The following MRPL36 variants were observed in gnomAD, a reference collection of about 807,000 sequenced individuals.
MRPL36 encodes large ribosomal subunit protein bL36m.
In MRPL36, 1 loss-of-function variant was observed where a neutral mutation model predicts 2.8. The observed-to-expected ratio is 0.36, with a 90% CI of 0.13 to 1.69. MRPL36 has a LOEUF of 1.69. Ranked by LOEUF, MRPL36 falls within the 40% of genes most tolerant of loss-of-function variation. The probability of loss-of-function intolerance (pLI) is 0.35; values close to 1 mark genes in which losing one functional copy is unlikely to be tolerated. For missense variants in MRPL36, 148 were observed against 132.7 expected, an observed-to-expected ratio of 1.12 and a Z score of -0.57; for synonymous variants, 68 against 54.8, an observed-to-expected ratio of 1.24 and a Z score of -1.06.
rs948040351 is a variant in MRPL36, at chr5:1,798,551, C to T, written c.*73G>A. On this transcript the variant is annotated 3_prime_UTR_variant, in exon 2 of 2. Coordinates refer to ENST00000505059, the MANE Select transcript of MRPL36 (RefSeq NM_032479.4). ...CCCCTGACTCCTTGATGTGATAATT[C>T]CTTCCATAAGATACAACCATTCTCC... 1 of 1,457,374 alleles carries T rather than the reference C, an allele frequency of 6.9e-7. No individual in the cohort carries two copies. The highest frequency in any genetic ancestry group is 2.0e-5 in the Admixed American group (1 of 50,392). The allele number at this position is 1,457,374 out of a possible 1,614,324, so 90.3% of individuals were successfully genotyped here. A position where few individuals can be genotyped will look rare whatever the true frequency, so the allele number is the denominator to read the frequency against.
chr5:1,801,003 C>T (rs1321661336), upstream of MRPL36, among the ~76,000 whole-genome samples: 5 of 152,208 alleles, frequency 3.3e-5, no homozygotes, highest in Non-Finnish European at 7.3e-5. Flanking sequence ...AATGTATTTT[C>T]AGTTTACATC....
At chr5:1,800,002 G>T (rs1733989108), upstream of MRPL36, 1 of 152,174 alleles carries the variant, frequency 6.6e-6, no homozygotes, top group African/African-American at 2.4e-5. Context: ...CACCGGGATC[G>T]TCGTGCTGTT....
chr5:1,800,947 G>T (rs1428270400), upstream of MRPL36, among the ~76,000 whole-genome samples: 2 of 152,150 alleles, frequency 1.3e-5, no homozygotes, highest in African/African-American at 4.8e-5. Context: ...CAATAATTTT[G>T]ATATTTAAAT....
At chr5:1,801,380 G>A (rs1026395341), upstream of MRPL36, 2 of 1,601,018 alleles carry the variant, frequency 1.2e-6, no homozygotes, top group African/African-American at 2.7e-5. Context: ...TTAGCGCTAA[G>A]CGGGACGTTG....
Position 1,798,723 on chromosome 5 carries a change from G to C in MRPL36, c.213C>G (p.Val71=). 6.2e-7 allele frequency: 1 copy of C among 1,613,954 alleles called. No homozygotes were observed. The highest frequency in any genetic ancestry group is 8.5e-7 in the Non-Finnish European group (1 of 1,179,892). ...LPALGFKNKT[V]LKKRCKDCYL... ...AACAGTCCTTGCAGCGCTTCTTAAG[G>C]ACAGTCTTGTTTTTGAACCCCAGCG... is the stretch of plus-strand genomic sequence containing the variant. Residue 71 remains valine (V), a synonymous_variant, in exon 2 of 2, where the codon GTC becomes GTG. Coordinates refer to ENST00000505059, the MANE Select transcript of MRPL36 (RefSeq NM_032479.4).
At chr5:1,800,959 T>G (rs1392209075), upstream of MRPL36, among the ~76,000 whole-genome samples, 1 of 152,200 alleles carries the variant, frequency 6.6e-6, no homozygotes, top group Non-Finnish European at 1.5e-5. Context: ...TATTTAAATG[T>G]CTCATGATTA....
upstream of MRPL36, chr5:1,800,014 G>A (rs916813799): frequency 6.6e-6 from 1 of 152,172 alleles, no homozygotes; most frequent in African/African-American, 2.4e-5. Flanking sequence ...CGTGCTGTTT[G>A]GAGCGCTCTC....
Position 1,798,830 on chromosome 5 carries a change from C to G in MRPL36, c.106G>C (p.Gly36Arg), listed in dbSNP as rs1277293046. 4 of 1,614,092 alleles carry G rather than the reference C, an allele frequency of 2.5e-6. No individual in the cohort carries two copies. Among genetic ancestry groups the G allele is most frequent in the Admixed American group, 1.7e-5 (1 of 60,024 alleles). ...GGTTCCACAGCCACGGGGGCTGCAC[C>G]TCGAATGGATCCAAATAGAAATGTG... ...LSTFLFGSIR[G>R]AAPVAVEPGA... is the part of the protein sequence containing the mutation. The change falls in exon 2 of 2, where the codon GGT becomes CGT. Residue 36 changes from glycine (G) to arginine (R), a missense_variant. Transcript: ENST00000505059.
At chr5:1,799,180 G>C (rs1265422608) in intron 1 of MRPL36, 2 of 464,976 alleles carry the variant, frequency 4.3e-6, no homozygotes, top group African/African-American at 3.9e-5. Flanking sequence ...CCCGCCTGCT[G>C]CAAGTGTAGG....
chr5:1,798,390 G>A lies in MRPL36; in HGVS notation c.*234C>T, dbSNP rs537521954. 55 of 441,522 alleles carry A rather than the reference G, an allele frequency of 1.2e-4. No individual in the cohort carries two copies. In the South Asian group the frequency reaches 1.5e-3, roughly 12 times the overall value. 27.4% of individuals were successfully genotyped at this position (441,522 alleles called of 1,614,324 possible). ...AGAGAATGAATGAACTAAGCTATTCGGAAGGTCTATTTTAATAGGAAAATG... is the reference window on the plus strand; with the variant it reads ...AGAGAATGAATGAACTAAGCTATTCAGAAGGTCTATTTTAATAGGAAAATG... On this transcript the variant is annotated 3_prime_UTR_variant, in exon 2 of 2. Coordinates refer to ENST00000505059, the MANE Select transcript of MRPL36 (RefSeq NM_032479.4).
upstream of MRPL36, among the ~76,000 whole-genome samples, chr5:1,800,145 G>A (rs925282087): frequency 6.6e-6 from 1 of 151,902 alleles, no homozygotes; most frequent in Non-Finnish European, 1.5e-5. Flanking sequence ...TGAGAAAGAG[G>A]ACATGTTTTT....
chr5:1,798,994 A>C lies in MRPL36; in HGVS notation c.-12-47T>G, dbSNP rs1038286855. ...GAGTTATAGCTTCTCCTGCACTTCC[A>C]CCTGCTCTTTAAGGCTTCCTTTTCT... On this transcript the variant is annotated intron_variant, in intron 1 of 1. Coordinates refer to ENST00000505059, the MANE Select transcript of MRPL36 (RefSeq NM_032479.4). 2.5e-5 allele frequency: 35 copies of C among 1,427,118 alleles called. 2 individuals are homozygous for C. In the Admixed American group the frequency reaches 7.5e-4, roughly 31 times the overall value. The allele number at this position is 1,427,118 out of a possible 1,614,324, so 88.4% of individuals were successfully genotyped here.
rs146493666 is a variant in MRPL36 at position 1,798,883 on chromosome 5, C to T, written c.53G>A (p.Arg18His). 3.8e-5 allele frequency: 61 copies of T among 1,611,874 alleles called. No homozygotes were observed. The Admixed American group carries it at 4.7e-4, about 12-fold the overall frequency. Reference sequence around the variant, plus strand: ...GAGGGCTCGAGGCTTCACCGTGTGACGACTGAGATAGAGCAGAGGGTTCAC... The same window carrying T: ...GAGGGCTCGAGGCTTCACCGTGTGATGACTGAGATAGAGCAGAGGGTTCAC... Reference protein sequence around the residue: ...KMVNPLLYLSRHTVKPRALST... With the variant: ...KMVNPLLYLSHHTVKPRALST... Residue 18 changes from arginine to histidine, a missense_variant, in exon 2 of 2, where the codon CGT (arginine) becomes CAT (histidine). Coordinates refer to ENST00000505059, the MANE Select transcript of MRPL36 (RefSeq NM_032479.4).
At position 1,798,802 on chromosome 5, in the gene MRPL36, C is replaced by A. The variant is rs1406001319; in HGVS notation, c.134G>T (p.Gly45Val). Reference protein sequence around the residue: ...RGAAPVAVEPGAAVRSLLSPG... With the variant: ...RGAAPVAVEPVAAVRSLLSPG... ...TGAGAGAAGTGAGCGCACTGCTGCC[C>A]CGGGTTCCACAGCCACGGGGGCTGC... The change falls in exon 2 of 2, where the codon GGG becomes GTG. Residue 45 changes from glycine to valine, a missense_variant. Gly to Val is a moderately radical substitution (Grantham distance 109, BLOSUM62 -3). Coordinates refer to ENST00000505059, the MANE Select transcript of MRPL36 (RefSeq NM_032479.4). The A allele has an allele frequency of 6.2e-7, 1 of 1,613,958 alleles. No individual in the cohort carries two copies. Among genetic ancestry groups the A allele is most frequent in the Non-Finnish European group, 8.5e-7 (1 of 1,180,026 alleles).
upstream of MRPL36, chr5:1,799,925 C>G (rs1316062428): frequency 2.7e-5 from 4 of 150,742 alleles, no homozygotes; most frequent in African/African-American, 9.9e-5. Flanking sequence ...GGCGCAGAGA[C>G]GCAGCAGCGA....
In MRPL36 at chr5:1,798,953, G is replaced by C. The variant is rs756533884; in HGVS notation, c.-12-6C>G. ...TTTGCCATGTTGTGGTGAATCTATG[G>C]GAGAGAGAAAAAAAGGAGTTATAGC... is the stretch of plus-strand genomic sequence containing the variant. On this transcript the variant is annotated splice_region_variant and splice_polypyrimidine_tract_variant and intron_variant, in intron 1 of 1. Transcript: ENST00000505059. The C allele has an allele frequency of 5.8e-6, 9 of 1,550,292 alleles. No individual in the cohort carries two copies. In the South Asian group the frequency reaches 8.5e-5, roughly 15 times the overall value.
At chr5:1,800,323 C>T (rs1356323075), upstream of MRPL36, among the ~76,000 whole-genome samples, 2 of 152,208 alleles carry the variant, frequency 1.3e-5, no homozygotes, top group African/African-American at 2.4e-5. Context: ...AGATTCTACC[C>T]TTAGCTCGCT....
At chr5:1,799,118 G>A (rs1733942715) in intron 1 of MRPL36, 171 bp from the exon 2 acceptor site, 1 of 563,116 alleles carries the variant, frequency 1.8e-6, no homozygotes. Flanking sequence ...GCCTTAATCA[G>A]CCAAGTGTGC....
At chr5:1,800,292 A>G (rs1305277505), upstream of MRPL36, among the ~76,000 whole-genome samples, 1 of 141,418 alleles carries the variant, frequency 7.1e-6, no homozygotes, top group Non-Finnish European at 1.6e-5. Flanking sequence ...TGTACGGTGA[A>G]CACCCATATA....
Sources: allele counts gnomAD v4.1 joint callset (sites outside exome capture counted in the v4.1 genomes callset), GRCh38; gene constraint gnomAD v4.1.1; transcripts MANE v1.5; gene names NCBI Gene and HGNC (gene_info 2026-07-23, HGNC 2026-07-21).